TENM3: variants seen among roughly 807,000 people sequenced by gnomAD.
The protein encoded by TENM3 is teneurin transmembrane protein 3.
TENM3 carries 63 observed loss-of-function variants against 255.1 expected under a neutral mutation model. The observed-to-expected ratio is 0.25, with a 90% confidence interval of 0.20 to 0.30. The LOEUF (loss-of-function observed/expected upper bound fraction) is 0.30. Among genes scored for constraint, TENM3 ranks in the 10% least tolerant of loss-of-function variants. TENM3 has a pLI of 1.00. For synonymous variants in TENM3, 1,306 were observed against 1,322.3 expected (o/e 0.99, Z 0.27); for missense variants, 2,929 against 3,461.1 (o/e 0.85, Z 3.86).
intron 24 of TENM3, 25 bp downstream of exon 24, chr4:182,775,178 G>A (rs759640695): frequency 6.2e-7 from 1 of 1,602,804 alleles, no homozygotes; most frequent in Non-Finnish European, 8.5e-7. Flanking sequence ...TGGAGCAGGA[G>A]ATAGCTGCAG....
At chr4:182,258,596 G>A (rs938842427) in intron 1 of TENM3, among the ~76,000 whole-genome samples, 1 of 152,130 alleles carries the variant, frequency 6.6e-6, no homozygotes, top group Non-Finnish European at 1.5e-5. Context: ...AACAGGTATT[G>A]TTATGTAAGA....
chr4:182,764,796 C>T (rs550135855), intron 22 of TENM3, among the ~76,000 whole-genome samples: 108 of 152,228 alleles, frequency 7.1e-4, no homozygotes, highest in African/African-American at 2.5e-3. Context: ...ATCTTCCCTC[C>T]GGGGTAGGCG....
intron 1 of TENM3, among the ~76,000 whole-genome samples, chr4:182,285,962 T>C (rs929235546): frequency 6.6e-6 from 1 of 152,190 alleles, no homozygotes; most frequent in African/African-American, 2.4e-5. Flanking sequence ...CTGAAGCAGA[T>C]GTCTTTTGGG....
At chr4:182,495,318 G>T (rs1735673976) in intron 3 of TENM3, among the ~76,000 whole-genome samples, 1 of 152,130 alleles carries the variant, frequency 6.6e-6, no homozygotes, top group Non-Finnish European at 1.5e-5. Flanking sequence ...TGTGAACATG[G>T]TTATTTGTTT....
intron 1 of TENM3, among the ~76,000 whole-genome samples, chr4:182,193,015 G>A (rs761524651): frequency 3.3e-5 from 5 of 152,264 alleles, no homozygotes; most frequent in Admixed American, 6.5e-5. Flanking sequence ...TCATGATGGT[G>A]TTTTGTGTGC....
chr4:181,565,763 G>A, the TENM3 span, among the ~76,000 whole-genome samples: 1 of 152,172 alleles, frequency 6.6e-6, no homozygotes, highest in East Asian at 1.9e-4. Flanking sequence ...TATTAGAAAA[G>A]TAGATTGCAA....
At chr4:182,653,682 C>A in intron 5 of TENM3, 89 bp from the exon 6 acceptor site, 1 of 1,396,766 alleles carries the variant, frequency 7.2e-7, no homozygotes, top group Non-Finnish European at 9.6e-7. Context: ...TGTAACTTTA[C>A]ATATGACTCT....
intron 22 of TENM3, 44 bp from the exon 23 acceptor site, chr4:182,773,428 T>A: frequency 6.6e-7 from 1 of 1,520,570 alleles, no homozygotes; most frequent in Non-Finnish European, 8.9e-7. Flanking sequence ...CAGAAGAAAC[T>A]GCAGTTTCCT....
chr4:182,712,060 G>A (rs4577619), intron 12 of TENM3, among the ~76,000 whole-genome samples: 138,290 of 152,166 alleles, frequency 0.91, 63,258 homozygotes, highest in East Asian at 1. Context: ...TCATATGGAA[G>A]CTTCTTTGGT....
the TENM3 span, among the ~76,000 whole-genome samples, chr4:181,738,123 T>C: frequency 6.6e-6 from 1 of 152,136 alleles, no homozygotes; most frequent in Admixed American, 6.5e-5. Flanking sequence ...TACAGTAATG[T>C]TTTCATCGTA....
At chr4:181,642,883 T>C in the TENM3 span, among the ~76,000 whole-genome samples, 1 of 151,966 alleles carries the variant, frequency 6.6e-6, no homozygotes, top group Non-Finnish European at 1.5e-5. Flanking sequence ...TTGGTACCAG[T>C]ACCATGCTGT....
chr4:182,434,820 G>C (rs558412419), intron 3 of TENM3, among the ~76,000 whole-genome samples: 1 of 152,030 alleles, frequency 6.6e-6, no homozygotes, highest in African/African-American at 2.4e-5. Context: ...TTAGAGGACC[G>C]GTAATCTTTG....
chr4:182,238,176 G>A (rs1179646242), intron 1 of TENM3, among the ~76,000 whole-genome samples: 1 of 152,124 alleles, frequency 6.6e-6, no homozygotes, highest in East Asian at 1.9e-4. Context: ...TGTCTTGGCT[G>A]CTTTAGCCTC....
the TENM3 span, among the ~76,000 whole-genome samples, chr4:182,112,099 G>A: frequency 6.6e-6 from 1 of 152,160 alleles, no homozygotes; most frequent in African/African-American, 2.4e-5. Context: ...AGGCCGCAGT[G>A]AGCTATGATT....
chr4:181,753,707 T>C, the TENM3 span, among the ~76,000 whole-genome samples: 1 of 152,220 alleles, frequency 6.6e-6, no homozygotes, highest in Admixed American at 6.5e-5. Context: ...GTAACATTAG[T>C]AACGTATTAC....
At chr4:182,680,437 A>AT (rs1554014057) in intron 9 of TENM3, 88 bp downstream of exon 9, 3 of 1,112,438 alleles carry the variant, frequency 2.7e-6, no homozygotes, top group Non-Finnish European at 4.0e-6. Flanking sequence ...CAGGAAAGAA[A>AT]GGGGGGGGGA....
At chr4:181,538,682 G>A in the TENM3 span, among the ~76,000 whole-genome samples, 405 of 152,306 alleles carry the variant, frequency 2.7e-3, 1 homozygote, top group African/African-American at 9.2e-3. Flanking sequence ...GAGTATGCCT[G>A]TAGAAATCTA....
chr4:182,561,281 T>C (rs1743145919), intron 3 of TENM3, among the ~76,000 whole-genome samples: 1 of 151,634 alleles, frequency 6.6e-6, no homozygotes, highest in African/African-American at 2.4e-5. Context: ...TATATAAATA[T>C]GTAAATAAAA....
the TENM3 span, among the ~76,000 whole-genome samples, chr4:182,096,919 T>C: frequency 1.3e-5 from 2 of 152,198 alleles, no homozygotes; most frequent in African/African-American, 4.8e-5. Flanking sequence ...AAAAAGAGAC[T>C]TAAAAGACAT....
Sources: allele counts gnomAD v4.1 joint callset (sites outside exome capture counted in the v4.1 genomes callset), GRCh38; gene constraint gnomAD v4.1.1; transcripts MANE v1.5; gene names NCBI Gene and HGNC (gene_info 2026-07-23, HGNC 2026-07-21).